SLC14A2: variants seen among roughly 807,000 people sequenced by gnomAD.
SLC14A2 encodes the protein solute carrier family 14 member 2, also known as urea transporter 2.
SLC14A2 carries 91 observed loss-of-function variants against 104.6 expected under a neutral mutation model. That is an observed-to-expected ratio of 0.87 (90% CI 0.73 to 1.04). SLC14A2 has a LOEUF of 1.04. Ranked by LOEUF, SLC14A2 falls within the 50% of genes least tolerant of loss-of-function variation. SLC14A2 has a pLI of 0.00. For missense variants in SLC14A2, 1,189 were observed against 1,156.0 expected (o/e 1.03, Z -0.41); for synonymous variants, 476 against 466.4 (o/e 1.02, Z -0.27).
intron 2 of SLC14A2, among the ~76,000 whole-genome samples, chr18:45,578,916 G>T (rs2144354798): frequency 6.6e-6 from 1 of 152,324 alleles, no homozygotes; most frequent in Admixed American, 6.5e-5. Context: ...TCATGTGTCT[G>T]TGGGCAGCTA....
At chr18:45,285,321 T>C (rs985040694) in intron 1 of SLC14A2, among the ~76,000 whole-genome samples, 3 of 152,246 alleles carry the variant, frequency 2.0e-5, no homozygotes, top group African/African-American at 4.8e-5. Flanking sequence ...CTTTTATTCA[T>C]TTACTGTATA....
intron 2 of SLC14A2, among the ~76,000 whole-genome samples, chr18:45,581,240 C>T (rs1310422321): frequency 2.6e-5 from 4 of 152,128 alleles, no homozygotes; most frequent in African/African-American, 4.8e-5. Flanking sequence ...GCGATGAGGG[C>T]ATCTCATGGA....
chr18:45,529,711 G>A (rs1334850850), intron 2 of SLC14A2: 1 of 152,086 alleles, frequency 6.6e-6, no homozygotes, highest in East Asian at 1.9e-4. Context: ...AAGAACTCAA[G>A]GCCTAGGAGA....
chr18:45,462,002 C>T (rs1212623713), intron 1 of SLC14A2, among the ~76,000 whole-genome samples: 1 of 152,122 alleles, frequency 6.6e-6, no homozygotes, highest in Non-Finnish European at 1.5e-5. Context: ...AAACAAACTG[C>T]ACAGTTTTCC....
chr18:45,451,341 A>G (rs1022433464), intron 1 of SLC14A2, among the ~76,000 whole-genome samples: 1 of 152,192 alleles, frequency 6.6e-6, no homozygotes, highest in South Asian at 2.1e-4. Flanking sequence ...AATGCGTTCA[A>G]TTTGGAAGAA....
intron 2 of SLC14A2, among the ~76,000 whole-genome samples, chr18:45,568,965 CTGT>C (rs761708245): frequency 5.9e-5 from 9 of 152,170 alleles, no homozygotes; most frequent in Non-Finnish European, 1.5e-5. Flanking sequence ...GTATTGTAAG[CTGT>C]TATGGACTGA....
At chr18:45,177,191 C>G in the SLC14A2 span, among the ~76,000 whole-genome samples, 1 of 152,122 alleles carries the variant, frequency 6.6e-6, no homozygotes, top group Non-Finnish European at 1.5e-5. Context: ...CCTGCCATTC[C>G]TACTCAACTA....
In SLC14A2 at chr18:45,246,564, TTTG is replaced by T. The variant is rs147782673; in HGVS notation, c.-125+33394_-125+33396del. Among the ~76,000 whole-genome samples, 1,516 of 152,028 alleles carry T rather than the reference TTTG, an allele frequency of 1.0e-2. 18 individuals carry two copies. The highest frequency in any genetic ancestry group is 0.041 in the South Asian group (197 of 4,792). On this transcript the variant is annotated intron_variant, in intron 1 of 20. Transcript: ENST00000586448. ...CTAACATTGCAGAGTAGAAATAACT[TTTG>T]TTGTTGTTGTTGTTGTTGTTTTTGA...
At chr18:45,347,831 C>T (rs577322925) in intron 1 of SLC14A2, among the ~76,000 whole-genome samples, 53 of 152,320 alleles carry the variant, frequency 3.5e-4, no homozygotes, top group African/African-American at 1.3e-3. Flanking sequence ...AGAATGATTG[C>T]ACTCAACTAC....
At chr18:45,509,415 A>C (rs2043333438) in intron 2 of SLC14A2, among the ~76,000 whole-genome samples, 1 of 151,896 alleles carries the variant, frequency 6.6e-6, no homozygotes, top group Admixed American at 6.6e-5. Context: ...CTCAGTCTCT[A>C]TCTGTTTCTG....
chr18:45,461,116 G>T (rs2087037250), intron 1 of SLC14A2, among the ~76,000 whole-genome samples: 1 of 152,024 alleles, frequency 6.6e-6, no homozygotes, highest in East Asian at 1.9e-4. Flanking sequence ...CACCCAATTT[G>T]CCCCTATTTT....
intron 7 of SLC14A2, among the ~76,000 whole-genome samples, chr18:45,640,762 C>T (rs2045512692): frequency 1.3e-5 from 2 of 152,188 alleles, no homozygotes; most frequent in Admixed American, 1.3e-4. Context: ...ACCCACTGTT[C>T]ACATCTTACT....
At chr18:45,533,006 A>G (rs2043721592) in intron 2 of SLC14A2, among the ~76,000 whole-genome samples, 1 of 151,968 alleles carries the variant, frequency 6.6e-6, no homozygotes, top group African/African-American at 2.4e-5. Flanking sequence ...ACGTTTATTG[A>G]TTTGCGTATG....
intron 1 of SLC14A2, among the ~76,000 whole-genome samples, chr18:45,373,399 C>T (rs186331513): frequency 1.3e-5 from 2 of 152,320 alleles, no homozygotes; most frequent in Non-Finnish European, 2.9e-5. Flanking sequence ...TCCATCCCAA[C>T]ACTAGCTGCA....
chr18:45,572,875 G>GT (rs1471447651), intron 2 of SLC14A2, among the ~76,000 whole-genome samples: 2 of 152,042 alleles, frequency 1.3e-5, no homozygotes, highest in African/African-American at 4.8e-5. Context: ...ATTCTGAGAG[G>GT]TTTAAAAAAA....
chr18:45,399,674 A>AT (rs1018327327), intron 1 of SLC14A2, among the ~76,000 whole-genome samples: 2 of 151,972 alleles, frequency 1.3e-5, no homozygotes, highest in Non-Finnish European at 2.9e-5. Flanking sequence ...GTTTTTTTCC[A>AT]TTTGTATCTA....
At chr18:45,310,857 G>A (rs1403093681) in intron 1 of SLC14A2, among the ~76,000 whole-genome samples, 1 of 152,182 alleles carries the variant, frequency 6.6e-6, no homozygotes, top group African/African-American at 2.4e-5. Flanking sequence ...TGCCAGCGGG[G>A]TTACTAGAGC....
the SLC14A2 span, among the ~76,000 whole-genome samples, chr18:45,177,290 C>T: frequency 6.6e-6 from 1 of 152,250 alleles, no homozygotes; most frequent in South Asian, 2.1e-4. Context: ...AATTCATGTT[C>T]TTCTCACCAA....
chr18:45,199,368 G>A, the SLC14A2 span, among the ~76,000 whole-genome samples: 1 of 152,046 alleles, frequency 6.6e-6, no homozygotes, highest in Non-Finnish European at 1.5e-5. Context: ...TTATCAGACA[G>A]ATATTGTTGC....
Sources: gnomAD v4.1 joint callset for allele counts (sites outside exome capture counted in the v4.1 genomes callset) on GRCh38, gnomAD v4.1.1 for gene constraint, MANE v1.5 for transcripts, NCBI Gene and HGNC (gene_info 2026-07-23, HGNC 2026-07-21) for gene names.